The following GRM1 variants were observed in gnomAD, a reference collection of about 807,000 sequenced individuals.
The protein encoded by GRM1 is metabotropic glutamate receptor 1.
Under a neutral mutation model 90.9 loss-of-function variants are expected in GRM1, and 33 were observed. That is an observed-to-expected ratio of 0.36 (90% CI 0.28 to 0.49). The LOEUF (loss-of-function observed/expected upper bound fraction) is 0.49, where lower values mean the gene tolerates loss of function less well. Ranked by LOEUF, GRM1 falls within the 20% of genes least tolerant of loss-of-function variation. GRM1 has a pLI of 0.99. For synonymous variants in GRM1, 700 were observed against 613.2 expected (o/e 1.14, Z -2.09); for missense variants, 1,190 against 1,534.3 (o/e 0.78, Z 3.75).
chr6:146,131,689 T>C (rs1299353863), intron 1 of GRM1, among the ~76,000 whole-genome samples: 1 of 152,098 alleles, frequency 6.6e-6, no homozygotes, highest in African/African-American at 2.4e-5. Flanking sequence ...ACAGAAGTTA[T>C]TGAATGGAAA....
At chr6:146,364,498 T>A (rs1027696205) in intron 5 of GRM1, among the ~76,000 whole-genome samples, 2 of 152,202 alleles carry the variant, frequency 1.3e-5, no homozygotes, top group Admixed American at 1.3e-4. Flanking sequence ...TTAATGAGAT[T>A]ATTCCTTTTT....
At chr6:146,238,515 T>A (rs911530454) in intron 2 of GRM1, among the ~76,000 whole-genome samples, 1 of 152,048 alleles carries the variant, frequency 6.6e-6, no homozygotes, top group East Asian at 1.9e-4. Flanking sequence ...ATCTAAAAAA[T>A]TTTTTTAGAA....
chr6:146,368,482 C>T (rs2115085294), intron 5 of GRM1, among the ~76,000 whole-genome samples: 1 of 152,166 alleles, frequency 6.6e-6, no homozygotes, highest in African/African-American at 2.4e-5. Flanking sequence ...CAATTTTTCC[C>T]TATTCAGTAA....
chr6:146,411,038 A>C (rs550600215), intron 7 of GRM1, among the ~76,000 whole-genome samples: 1 of 152,330 alleles, frequency 6.6e-6, no homozygotes, highest in Admixed American at 6.5e-5. Flanking sequence ...TGTGTCAGGC[A>C]CTGGGACAAC....
At chr6:146,072,981 C>T (rs1289559265) in intron 1 of GRM1, among the ~76,000 whole-genome samples, 1 of 152,034 alleles carries the variant, frequency 6.6e-6, no homozygotes, top group African/African-American at 2.4e-5. Flanking sequence ...CAGTGGCCAC[C>T]TGAATATGTA....
chr6:146,057,089 A>G (rs1215232834), intron 1 of GRM1, among the ~76,000 whole-genome samples: 1 of 152,164 alleles, frequency 6.6e-6, no homozygotes, highest in Non-Finnish European at 1.5e-5. Flanking sequence ...ATTCAGTACA[A>G]AAATCACTGT....
intron 2 of GRM1, among the ~76,000 whole-genome samples, chr6:146,267,907 C>G: frequency 6.6e-6 from 1 of 152,140 alleles, no homozygotes; most frequent in Non-Finnish European, 1.5e-5. Flanking sequence ...TACCTTGTAT[C>G]CCTCAATCCA....
intron 1 of GRM1, among the ~76,000 whole-genome samples, chr6:146,032,431 G>A (rs1037506820): frequency 1.3e-5 from 2 of 152,070 alleles, no homozygotes; most frequent in African/African-American, 4.8e-5. Flanking sequence ...CTTCTATCTG[G>A]AAAGGAATTT....
At chr6:146,344,796 G>GT (rs1257168842) in intron 3 of GRM1, among the ~76,000 whole-genome samples, 1 of 150,336 alleles carries the variant, frequency 6.7e-6, no homozygotes, top group East Asian at 2.0e-4. Flanking sequence ...TATCTTTTTC[G>GT]TTTTTCTTTT....
At chr6:146,412,252 T>G (rs980926769) in intron 7 of GRM1, among the ~76,000 whole-genome samples, 1 of 152,218 alleles carries the variant, frequency 6.6e-6, no homozygotes, top group South Asian at 2.1e-4. Context: ...AGCCTTATCC[T>G]AGCTGACATA....
At position 146,347,478 on chromosome 6, in the gene GRM1, A is replaced by G. The variant is rs74400423; in HGVS notation, c.1187-4772A>G. ...AAGGAATTTATAAAAAATTAGAATT[A>G]ATATGTACATTTAGCAAGCTTGCAG... On this transcript the variant is annotated intron_variant, in intron 3 of 7. Transcript: ENST00000282753. 1.1e-3 allele frequency among the ~76,000 whole-genome samples: 170 copies of G among 152,354 alleles called. 6 individuals carry two copies. The East Asian group carries it at 0.029, about 26-fold the overall frequency.
intron 7 of GRM1, among the ~76,000 whole-genome samples, chr6:146,430,212 G>A (rs1206244015): frequency 1.3e-5 from 2 of 152,142 alleles, no homozygotes; most frequent in African/African-American, 4.8e-5. Context: ...TTCTGTTTGG[G>A]GGATTGCGAT....
Position 146,434,929 on chromosome 6 carries a change from T to TGCC in GRM1, c.*136_*138dup. The TGCC allele has an allele frequency of 1.3e-6, 1 of 767,280 alleles. No homozygotes were observed. The highest frequency in any genetic ancestry group is 2.2e-6 in the Non-Finnish European group (1 of 444,640). 47.5% of individuals were successfully genotyped at this position (767,280 alleles called of 1,614,324 possible). ...GAGGACAGGAGACCGCTGCTGCTGC[T>TGCC]GCCGCTACTGCTGCTGCTGCCTTAA... On this transcript the variant is annotated 3_prime_UTR_variant, in exon 8 of 8. Coordinates refer to ENST00000282753, the MANE Select transcript of GRM1 (RefSeq NM_001278064.2).
At chr6:146,203,362 ATGT>A (rs1346835207) in intron 2 of GRM1, among the ~76,000 whole-genome samples, 1 of 151,920 alleles carries the variant, frequency 6.6e-6, no homozygotes, top group African/African-American at 2.4e-5. Flanking sequence ...ATCTTCTTTC[ATGT>A]TGTTGCTCTG....
chr6:146,223,669 C>A (rs1265572301), intron 2 of GRM1, among the ~76,000 whole-genome samples: 2 of 152,054 alleles, frequency 1.3e-5, no homozygotes, highest in African/African-American at 4.8e-5. Context: ...AAAAGCAAAG[C>A]AATTTCATTG....
chr6:146,215,049 T>C (rs1779822359), intron 2 of GRM1, among the ~76,000 whole-genome samples: 1 of 152,224 alleles, frequency 6.6e-6, no homozygotes, highest in Non-Finnish European at 1.5e-5. Flanking sequence ...CGTTTTATGA[T>C]GGTGCCTCAT....
At chr6:146,227,806 C>T (rs927437533) in intron 2 of GRM1, among the ~76,000 whole-genome samples, 13 of 152,136 alleles carry the variant, frequency 8.5e-5, no homozygotes, top group African/African-American at 3.1e-4. Context: ...AATTAAATAT[C>T]CATTGCATCC....
intron 5 of GRM1, among the ~76,000 whole-genome samples, chr6:146,358,190 A>C (rs362895): frequency 0.83 from 126,746 of 152,148 alleles, 52,819 homozygotes; most frequent in African/African-American, 0.87. Flanking sequence ...TTTTTCTACA[A>C]AAGACAGCGT....
In GRM1 at chr6:146,434,717, CGGT is replaced by C; in HGVS notation, c.3508_3510del (p.Val1170del). 6.2e-7 allele frequency: 1 copy of C among 1,601,982 alleles called. No homozygotes were observed. Among genetic ancestry groups the C allele is most frequent in the Non-Finnish European group, 8.5e-7 (1 of 1,179,908 alleles). ...GTGCCCAGCTCCCCCGTGTCCGAGT[CGGT>C]GCTCTGCACCCCTCCCAACGTATCC... On this transcript the variant is annotated inframe_deletion, in exon 8 of 8. Transcript: ENST00000282753.
Sources: gnomAD v4.1 joint callset for allele counts (sites outside exome capture counted in the v4.1 genomes callset) on GRCh38, gnomAD v4.1.1 for gene constraint, MANE v1.5 for transcripts, NCBI Gene and HGNC (gene_info 2026-07-23, HGNC 2026-07-21) for gene names.